Variants in DDX23 observed in about 807,000 individuals in gnomAD.
The protein encoded by DDX23 is DEAD-box helicase 23, also known as probable ATP-dependent RNA helicase DDX23.
A neutral mutation model predicts 102.7 loss-of-function variants in DDX23; 33 were observed. The ratio of observed to expected loss-of-function variants is 0.32; its 90% CI spans 0.24 to 0.43. The LOEUF (loss-of-function observed/expected upper bound fraction) is 0.43, where lower values mean the gene tolerates loss of function less well. DDX23 is among the 20% of genes least tolerant of loss of function. The pLI, the probability that DDX23 is intolerant of heterozygous loss-of-function variation, is 1.00. For missense variants in DDX23, 549 were observed against 1,086.6 expected, an observed-to-expected ratio of 0.51 and a Z score of 6.96; for synonymous variants, 352 against 376.0, an observed-to-expected ratio of 0.94 and a Z score of 0.74.
In DDX23 at chr12:48,829,951, G is replaced by A. The variant is rs906238564; in HGVS notation, c.*518C>T. The stretch of plus-strand genomic sequence containing the variant: ...CCCCTTGGTGCGGGGCTGTGCACAG[G>A]TCTAAAGACTCTCAACTTCCTTTAC... On this transcript the variant is annotated 3_prime_UTR_variant, in exon 17 of 17. Transcript: ENST00000308025. The A allele has an allele frequency of 5.6e-5, 20 of 356,046 alleles. No homozygotes were observed. Among genetic ancestry groups the A allele is most frequent in the Admixed American group, 4.6e-4 (12 of 26,328 alleles). 22.1% of individuals were successfully genotyped at this position (356,046 alleles called of 1,614,324 possible).
At chr12:48,838,127 A>AG in intron 5 of DDX23, 47 bp from the exon 6 acceptor site, 1 of 1,610,602 alleles carries the variant, frequency 6.2e-7, no homozygotes, top group East Asian at 2.2e-5. Context: ...GGAGCAGGGT[A>AG]CAATCACATC....
chr12:48,848,751 AT>A (rs71080156), intron 1 of DDX23, among the ~76,000 whole-genome samples: 87,734 of 133,664 alleles, frequency 0.66, 28,617 homozygotes, highest in African/African-American at 0.73. Context: ...CACCTGACTA[AT>A]TTTTTTTTTT....
Position 48,839,886 on chromosome 12 carries a change from C to G in DDX23, c.438G>C (p.Glu146Asp), listed in dbSNP as rs1938522022. 2 of 1,614,192 alleles carry G rather than the reference C, an allele frequency of 1.2e-6. No individual in the cohort carries two copies. The highest frequency in any genetic ancestry group is 1.7e-6 in the Non-Finnish European group (2 of 1,180,034). The change falls in exon 5 of 17, where the codon GAG (glutamate) becomes GAC (aspartate). Residue 146 changes from glutamate (E) to aspartate (D), a missense_variant. Coordinates refer to ENST00000308025, the MANE Select transcript of DDX23 (RefSeq NM_004818.3). ...CCTCAGCCTTTTTCTTGGCCAGAAGCTCCTCCAGGGATAATGGCTGGGCCT... is the reference window on the plus strand; with the variant it reads ...CCTCAGCCTTTTTCTTGGCCAGAAGGTCCTCCAGGGATAATGGCTGGGCCT... ...KPKAQPLSLE[E>D]LLAKKKAEEE... is the part of the protein sequence containing the mutation.
intron 8 of DDX23, 34 bp downstream of exon 8, chr12:48,837,247 A>C: frequency 6.2e-7 from 1 of 1,601,800 alleles, no homozygotes; most frequent in South Asian, 1.1e-5. Flanking sequence ...TGCCTAGTGG[A>C]AAAGACCTAG....
Position 48,832,776 on chromosome 12 carries a change from T to A in DDX23, c.1804-203A>T, listed in dbSNP as rs541935797. The A allele has an allele frequency of 1.6e-6, 1 of 644,360 alleles. No individual in the cohort carries two copies. The highest frequency in any genetic ancestry group is 3.1e-5 in the Admixed American group (1 of 32,112). 39.9% of individuals were successfully genotyped at this position (644,360 alleles called of 1,614,324 possible). A position where few individuals can be genotyped will look rare whatever the true frequency, so the allele number is the denominator to read the frequency against. On this transcript the variant is annotated intron_variant, in intron 13 of 16. Coordinates refer to ENST00000308025, the MANE Select transcript of DDX23 (RefSeq NM_004818.3). This position sits in a 1 kb window ranked among gnomAD's most constrained non-coding sequence, Gnocchi z 4.4. ...CATCAAGGCACTTTCCATCTTATGA[T>A]GACAGGAAGGATTGAGAGCATTTGC... is the stretch of plus-strand genomic sequence containing the variant.
At position 48,832,274 on chromosome 12, in the gene DDX23, G is replaced by T; in HGVS notation, c.1956-88C>A. On this transcript the variant is annotated intron_variant, in intron 14 of 16. Transcript: ENST00000308025. The surrounding 1 kb of genome is among the most constrained non-coding windows in gnomAD (Gnocchi z 4.4). Reference sequence around the variant, plus strand: ...CCTCATCTATGAACACTACTTTCAGGGTCTTTAATGCCCATGACATTCTGC... The same window carrying T: ...CCTCATCTATGAACACTACTTTCAGTGTCTTTAATGCCCATGACATTCTGC... The T allele has an allele frequency of 6.4e-7, 1 of 1,552,268 alleles. No homozygotes were observed. The highest frequency in any genetic ancestry group is 1.1e-5 in the South Asian group (1 of 87,938).
rs1377277491 is a variant in DDX23, at chr12:48,830,093, T to C, written c.*376A>G. 1.2e-5 allele frequency: 5 copies of C among 408,102 alleles called. No homozygotes were observed. The Admixed American group carries it at 1.4e-4, about 12-fold the overall frequency. 25.3% of individuals were successfully genotyped at this position (408,102 alleles called of 1,614,324 possible). A position where few individuals can be genotyped will look rare whatever the true frequency, so the allele number is the denominator to read the frequency against. On this transcript the variant is annotated 3_prime_UTR_variant, in exon 17 of 17. Coordinates refer to ENST00000308025, the MANE Select transcript of DDX23 (RefSeq NM_004818.3). This position sits in a 1 kb window ranked among gnomAD's most constrained non-coding sequence, Gnocchi z 4.9. ...ATGATGCTACTGCAGTTTATGCAGT[T>C]ACACAGTCAAGTCTGTGCCAAAGGA...
chr12:48,831,970 A>T, intron 15 of DDX23, 108 bp downstream of exon 15: 1 of 1,003,908 alleles, frequency 1.0e-6, no homozygotes, highest in Non-Finnish European at 1.5e-6. Flanking sequence ...TGATTGCTGG[A>T]CAGGCTAAAG....
At chr12:48,838,626 C>T (rs879467381) in intron 5 of DDX23, among the ~76,000 whole-genome samples, 4 of 150,810 alleles carry the variant, frequency 2.7e-5, no homozygotes, top group African/African-American at 7.3e-5. Context: ...CCGAGATGGG[C>T]GGATCACGAG....
intron 3 of DDX23, among the ~76,000 whole-genome samples, chr12:48,843,502 T>A (rs189509861): frequency 1.6e-4 from 24 of 149,512 alleles, no homozygotes; most frequent in African/African-American, 5.9e-4. Flanking sequence ...AGCTCTGTAA[T>A]AACTACCAAC....
rs897682778 is a variant in DDX23, at chr12:48,833,221, G to C, written c.1803+56C>G. 30 of 1,603,534 alleles carry C rather than the reference G, an allele frequency of 1.9e-5. No homozygotes were observed. The Admixed American group carries it at 4.2e-4, about 22-fold the overall frequency. On this transcript the variant is annotated intron_variant, in intron 13 of 16. Coordinates refer to ENST00000308025, the MANE Select transcript of DDX23 (RefSeq NM_004818.3). The stretch of plus-strand genomic sequence containing the variant: ...GCTGGTCTCAAACTCCTGAGCTCAA[G>C]TGATCCACCCGCCTTGGCCTGTCCA...
intron 2 of DDX23, 150 bp downstream of exon 2, chr12:48,845,424 C>T: frequency 1.1e-6 from 1 of 880,438 alleles, no homozygotes; most frequent in Non-Finnish European, 1.7e-6. Flanking sequence ...CACTGCACTC[C>T]AGTCTGGGTA....
In DDX23 at chr12:48,832,063, C is replaced by T; in HGVS notation, c.2064+15G>A. ...GCCACAGAGGCTAGACTTTGTTCTC[C>T]CCTGCCAGACACACCCCCATCTTCT... On this transcript the variant is annotated intron_variant, in intron 15 of 16. Coordinates refer to ENST00000308025, the MANE Select transcript of DDX23 (RefSeq NM_004818.3). This position sits in a 1 kb window ranked among gnomAD's most constrained non-coding sequence, Gnocchi z 4.4. The T allele has an allele frequency of 1.2e-6, 2 of 1,612,648 alleles. No homozygotes were observed. The highest frequency in any genetic ancestry group is 1.1e-5 in the South Asian group (1 of 91,036).
At chr12:48,838,189 CTGT>C in intron 5 of DDX23, 109 bp from the exon 6 acceptor site, 1 of 1,516,166 alleles carries the variant, frequency 6.6e-7, no homozygotes, top group Non-Finnish European at 8.9e-7. Flanking sequence ...GGCATTAAGC[CTGT>C]TGAGGAAAAC....
chr12:48,830,589 T>C lies in DDX23; in HGVS notation c.2343A>G (p.Gln781=), dbSNP rs772205977. The C allele has an allele frequency of 6.2e-7, 1 of 1,613,988 alleles. No homozygotes were observed. The highest frequency in any genetic ancestry group is 1.3e-5 in the African/African-American group (1 of 74,888). ...AAGACACTGGGCTTTCCAGGATAGC[T>C]TGCTTCAGCTCGTAGAACACAGCAG... ...EDSAVFYELK[Q]AILESPVSSC... is the part of the protein sequence containing the mutation. The change falls in exon 17 of 17, where the codon CAA becomes CAG. Residue 781 remains glutamine (Q), a synonymous_variant. Coordinates refer to ENST00000308025, the MANE Select transcript of DDX23 (RefSeq NM_004818.3). This position sits in a 1 kb window ranked among gnomAD's most constrained non-coding sequence, Gnocchi z 4.9.
intron 11 of DDX23, among the ~76,000 whole-genome samples, chr12:48,835,520 A>C (rs1449521566): frequency 6.6e-6 from 1 of 151,772 alleles, no homozygotes; most frequent in Non-Finnish European, 1.5e-5. Context: ...GACCAGCCTG[A>C]CCAACATTGA....
At chr12:48,844,830 A>G (rs1390459221) in intron 2 of DDX23, among the ~76,000 whole-genome samples, 1 of 151,146 alleles carries the variant, frequency 6.6e-6, no homozygotes, top group Non-Finnish European at 1.5e-5. Flanking sequence ...TGCAGGTCCA[A>G]CTGGGCTAGG....
In DDX23 at chr12:48,834,309, G is replaced by C. The variant is rs1938433581; in HGVS notation, c.1560+11C>G. On this transcript the variant is annotated intron_variant, in intron 12 of 16. Transcript: ENST00000308025. ...CAGACAGCAGGCTGGCTGCTAGATA[G>C]AAAAACAAACCTCACAACCCATGCG... 1 of 1,597,522 alleles carries C rather than the reference G, an allele frequency of 6.3e-7. No individual in the cohort carries two copies. The highest frequency in any genetic ancestry group is 1.3e-5 in the African/African-American group (1 of 74,442).
intron 6 of DDX23, 67 bp downstream of exon 6, chr12:48,837,874 AG>A (rs1938487151): frequency 5.0e-6 from 8 of 1,605,014 alleles, no homozygotes; most frequent in Non-Finnish European, 6.8e-6. Context: ...ATCTCTCCTA[AG>A]AGACACTGTA....
Sources: gnomAD v4.1 joint callset for allele counts (sites outside exome capture counted in the v4.1 genomes callset) on GRCh38, gnomAD v4.1.1 for gene constraint, Gnocchi (gnomAD v3.1) non-coding constraint, MANE v1.5 for transcripts, NCBI Gene and HGNC (gene_info 2026-07-23, HGNC 2026-07-21) for gene names.